Variants in MDGA2 observed in about 807,000 individuals in gnomAD.
The protein encoded by MDGA2 is MAM domain containing glycosylphosphatidylinositol anchor 2.
MDGA2 carries 40 observed loss-of-function variants against 117.8 expected under a neutral mutation model. The observed-to-expected ratio is 0.34, with a 90% CI of 0.26 to 0.44. The LOEUF (loss-of-function observed/expected upper bound fraction) is 0.44, where lower values mean the gene tolerates loss of function less well. Ranked by LOEUF, MDGA2 falls within the 20% of genes least tolerant of loss-of-function variation. The probability of loss-of-function intolerance (pLI) is 1.00; values close to 1 mark genes in which losing one functional copy is unlikely to be tolerated. For missense variants in MDGA2, 1,123 were observed against 1,250.6 expected (o/e 0.90, Z 1.54); for synonymous variants, 452 against 439.0 (o/e 1.03, Z -0.37).
intron 3 of MDGA2, among the ~76,000 whole-genome samples, chr14:47,173,058 G>A (rs1236348956): frequency 6.6e-6 from 1 of 152,074 alleles, no homozygotes; most frequent in Admixed American, 6.6e-5. Flanking sequence ...AGTGATGGAA[G>A]ATGAAATGAA....
intron 1 of MDGA2, among the ~76,000 whole-genome samples, chr14:47,404,117 A>G (rs1566771258): frequency 1.3e-5 from 2 of 151,876 alleles, no homozygotes; most frequent in Admixed American, 1.3e-4. Context: ...TTAAATCTTT[A>G]TTTTGTTATA....
chr14:46,984,481 T>G (rs1886795178), intron 8 of MDGA2, among the ~76,000 whole-genome samples: 1 of 152,014 alleles, frequency 6.6e-6, no homozygotes, highest in African/African-American at 2.4e-5. Context: ...AATAGATGCT[T>G]TCTGCTCACA....
At position 47,253,670 on chromosome 14, in the gene MDGA2, C is replaced by T. The variant is rs141331232; in HGVS notation, c.421-35475G>A. 2.3e-3 allele frequency among the ~76,000 whole-genome samples: 357 copies of T among 152,266 alleles called. 1 individual carries two copies. The highest frequency in any genetic ancestry group is 8.0e-3 in the African/African-American group (334 of 41,570). On this transcript the variant is annotated intron_variant, in intron 2 of 16. Coordinates refer to ENST00000399232, the MANE Select transcript of MDGA2 (RefSeq NM_001113498.3). ...GGCTTTTCCAGAAGCACGGTGCAAG[C>T]TGTTGGTGAATCTACCATTCAGGGA...
chr14:46,936,735 A>T (rs1460000934), intron 9 of MDGA2, among the ~76,000 whole-genome samples: 1 of 152,086 alleles, frequency 6.6e-6, no homozygotes, highest in Non-Finnish European at 1.5e-5. Flanking sequence ...CCTTCATAAA[A>T]AAAAAACCAA....
At chr14:47,335,755 T>TAATATATATATATATATATATATAC (rs1566743939) in intron 1 of MDGA2, among the ~76,000 whole-genome samples, 1 of 143,882 alleles carries the variant, frequency 7.0e-6, no homozygotes, top group African/African-American at 2.6e-5. Context: ...TATACATACA[T>TAATATATATATATATATATATATAC]ACATACAGGA....
chr14:47,286,446 T>G (rs1382208463), intron 2 of MDGA2, among the ~76,000 whole-genome samples: 1 of 152,098 alleles, frequency 6.6e-6, no homozygotes, highest in African/African-American at 2.4e-5. Flanking sequence ...ATTAGTTTAT[T>G]TGTAGCTCTT....
intron 12 of MDGA2, among the ~76,000 whole-genome samples, chr14:46,875,021 G>A (rs1001289234): frequency 2.0e-5 from 3 of 151,466 alleles, no homozygotes; most frequent in East Asian, 1.9e-4. Context: ...GTATCCTTGA[G>A]AAAGAATAAA....
At chr14:47,370,613 T>C (rs1891335373) in intron 1 of MDGA2, among the ~76,000 whole-genome samples, 1 of 150,734 alleles carries the variant, frequency 6.6e-6, no homozygotes, top group African/African-American at 2.4e-5. Context: ...TAAGAATGTG[T>C]TGTTTATTGA....
intron 1 of MDGA2, among the ~76,000 whole-genome samples, chr14:47,646,252 A>G (rs1169657495): frequency 6.6e-6 from 1 of 152,060 alleles, no homozygotes; most frequent in Admixed American, 6.6e-5. Context: ...TTACCAAACT[A>G]GTTTCTTAAA....
At chr14:47,634,539 A>C (rs1160296004) in intron 1 of MDGA2, among the ~76,000 whole-genome samples, 1 of 152,170 alleles carries the variant, frequency 6.6e-6, no homozygotes, top group African/African-American at 2.4e-5. Context: ...TTCTAAAAGA[A>C]AAATCGCTTG....
intron 8 of MDGA2, among the ~76,000 whole-genome samples, chr14:47,029,836 T>C (rs112736177): frequency 1.4e-4 from 21 of 152,202 alleles, no homozygotes; most frequent in African/African-American, 4.1e-4. Flanking sequence ...TTTTTGTTTT[T>C]CTTTTTTTTT....
rs147154861 is a variant in MDGA2 at position 47,057,124 on chromosome 14, A to T, written c.1525+4125T>A. ...AGTAAAAACAATAATTATCACTTTAATATTCTTGAGACTTTCTTCATCCTC... is the reference window on the plus strand; with the variant it reads ...AGTAAAAACAATAATTATCACTTTATTATTCTTGAGACTTTCTTCATCCTC... On this transcript the variant is annotated intron_variant, in intron 7 of 16. Coordinates refer to ENST00000399232, the MANE Select transcript of MDGA2 (RefSeq NM_001113498.3). Among the ~76,000 whole-genome samples, 571 of 152,212 alleles carry T rather than the reference A, an allele frequency of 3.8e-3. 7 individuals are homozygous for T. The highest frequency in any genetic ancestry group is 0.013 in the African/African-American group (544 of 41,550).
intron 1 of MDGA2, among the ~76,000 whole-genome samples, chr14:47,433,749 C>G (rs1376547106): frequency 6.6e-6 from 1 of 152,044 alleles, no homozygotes; most frequent in East Asian, 1.9e-4. Context: ...AAAATGAAAT[C>G]ATCTCTTTGT....
intron 3 of MDGA2, among the ~76,000 whole-genome samples, chr14:47,171,935 T>A (rs897317666): frequency 6.6e-6 from 1 of 152,052 alleles, no homozygotes; most frequent in African/African-American, 2.4e-5. Context: ...ATCGGGTCAT[T>A]CCCACCCTAA....
At chr14:47,636,232 T>C (rs1387829841) in intron 1 of MDGA2, among the ~76,000 whole-genome samples, 1 of 152,202 alleles carries the variant, frequency 6.6e-6, no homozygotes, top group Non-Finnish European at 1.5e-5. Context: ...TCATAAGGTA[T>C]AACTTGAATT....
chr14:47,094,230 C>A (rs942279258), intron 6 of MDGA2, among the ~76,000 whole-genome samples: 2 of 151,934 alleles, frequency 1.3e-5, no homozygotes, highest in Non-Finnish European at 2.9e-5. Context: ...AGAAGTCTCA[C>A]TGGCAATATA....
intron 1 of MDGA2, among the ~76,000 whole-genome samples, chr14:47,561,733 G>A (rs1430190939): frequency 6.6e-6 from 1 of 152,108 alleles, no homozygotes; most frequent in Non-Finnish European, 1.5e-5. Context: ...TACCTTGCTT[G>A]ATTGCACTGT....
intron 1 of MDGA2, among the ~76,000 whole-genome samples, chr14:47,622,795 T>C (rs927727387): frequency 7.9e-5 from 12 of 152,158 alleles, no homozygotes; most frequent in African/African-American, 2.9e-4. Context: ...AACACTAGGA[T>C]TGGTCATAGT....
chr14:47,545,473 C>A (rs1310876514), intron 1 of MDGA2, among the ~76,000 whole-genome samples: 1 of 151,830 alleles, frequency 6.6e-6, no homozygotes, highest in South Asian at 2.1e-4. Flanking sequence ...CTTTATTTCT[C>A]AAAAAAGAAC....
Sources: allele counts gnomAD v4.1 joint callset (sites outside exome capture counted in the v4.1 genomes callset), GRCh38; gene constraint gnomAD v4.1.1; transcripts MANE v1.5; gene names NCBI Gene and HGNC (gene_info 2026-07-23, HGNC 2026-07-21).